Variants in MAST2 observed in about 807,000 individuals in gnomAD.
The protein encoded by MAST2 is microtubule associated serine/threonine kinase 2.
In MAST2, 70 loss-of-function variants were observed where a neutral mutation model predicts 147.4. The ratio of observed to expected loss-of-function variants is 0.47; its 90% CI spans 0.39 to 0.58. The LOEUF (loss-of-function observed/expected upper bound fraction) is 0.58, where lower values mean the gene tolerates loss of function less well. MAST2 is among the 20% of genes least tolerant of loss of function. MAST2 has a pLI of 0.00. For synonymous variants in MAST2, 869 were observed against 896.8 expected, an observed-to-expected ratio of 0.97 and a Z score of 0.55; for missense variants, 2,080 against 2,302.3, an observed-to-expected ratio of 0.90 and a Z score of 1.98.
At chr1:45,856,196 C>A (rs940244023) in intron 3 of MAST2, among the ~76,000 whole-genome samples, 2 of 152,132 alleles carry the variant, frequency 1.3e-5, no homozygotes, top group African/African-American at 4.8e-5. Context: ...ATGGGTGGCT[C>A]ACATCCGTAA....
intron 4 of MAST2, among the ~76,000 whole-genome samples, chr1:45,904,992 A>G (rs1284526157): frequency 6.6e-6 from 1 of 151,106 alleles, no homozygotes; most frequent in Non-Finnish European, 1.5e-5. Flanking sequence ...TAACTTTATT[A>G]TAAATAGGTG....
chr1:45,957,308 T>C (rs1659791831), intron 4 of MAST2, among the ~76,000 whole-genome samples: 2 of 152,232 alleles, frequency 1.3e-5, no homozygotes, highest in Admixed American at 1.3e-4. Context: ...GTCACTCATC[T>C]GTTGGTGCAT....
chr1:45,877,021 T>C (rs1646635180), intron 3 of MAST2, among the ~76,000 whole-genome samples: 1 of 152,168 alleles, frequency 6.6e-6, no homozygotes, highest in African/African-American at 2.4e-5. Context: ...AAAGAGGATA[T>C]ATTACCTTAG....
intron 4 of MAST2, among the ~76,000 whole-genome samples, chr1:45,914,283 C>T (rs1490461287): frequency 1.3e-5 from 2 of 152,208 alleles, no homozygotes; most frequent in African/African-American, 4.8e-5. Flanking sequence ...TGCCCATGGC[C>T]TGTCAGCTCA....
At chr1:45,816,702 A>G (rs1226861660) in intron 1 of MAST2, among the ~76,000 whole-genome samples, 1 of 152,168 alleles carries the variant, frequency 6.6e-6, no homozygotes, top group Admixed American at 6.6e-5. Flanking sequence ...ATTTTTTGAG[A>G]TGGAGTCTCG....
chr1:45,847,343 A>G, intron 3 of MAST2: 1 of 496,868 alleles, frequency 2.0e-6, no homozygotes. Context: ...GCTCCAACTC[A>G]CTGCTAAATC....
intron 4 of MAST2, among the ~76,000 whole-genome samples, chr1:45,950,456 A>C (rs1658766488): frequency 6.6e-6 from 1 of 152,192 alleles, no homozygotes; most frequent in Non-Finnish European, 1.5e-5. Flanking sequence ...TCTTAATCTC[A>C]TCTGGATTTT....
intron 3 of MAST2, among the ~76,000 whole-genome samples, chr1:45,845,030 C>T (rs1645387255): frequency 1.3e-5 from 2 of 152,142 alleles, no homozygotes; most frequent in Admixed American, 1.3e-4. Flanking sequence ...ACAGAGCTTT[C>T]ATGACTTAAA....
chr1:45,809,818 GT>G (rs1172196717), intron 1 of MAST2, among the ~76,000 whole-genome samples: 1 of 152,174 alleles, frequency 6.6e-6, no homozygotes, highest in African/African-American at 2.4e-5. Context: ...GAAAGCTTAG[GT>G]TCCAAGAGAT....
intron 7 of MAST2, 38 bp from the exon 8 acceptor site, chr1:46,006,203 A>G (rs746225533): frequency 3.1e-6 from 5 of 1,589,080 alleles, no homozygotes; most frequent in Non-Finnish European, 4.3e-6. Flanking sequence ...GCTCTGGGAC[A>G]TGTCTTTAAT....
rs370048669 is a variant in MAST2 at position 45,959,428 on chromosome 1, C to G, written c.543C>G (p.Ser181Arg). The G allele has an allele frequency of 4.3e-6, 7 of 1,613,722 alleles. No homozygotes were observed. The African/African-American group carries it at 9.3e-5, about 22-fold the overall frequency. ...SNRKSLIVTS[S>R]TSPTLPRPHS... ...GCAAGAGCTTGATTGTGACCTCTAG[C>G]ACATCACCTACACTACCACGGCCAC... The change falls in exon 5 of 29, where the codon AGC becomes AGG. Residue 181 changes from serine (S) to arginine (R), a missense_variant. Physicochemically the swap from Ser to Arg is moderately radical, Grantham distance 110. Transcript: ENST00000361297.
intron 3 of MAST2, among the ~76,000 whole-genome samples, chr1:45,835,676 C>T (rs1468231387): frequency 1.3e-5 from 2 of 152,094 alleles, no homozygotes; most frequent in African/African-American, 4.8e-5. Context: ...ACAATGTGTG[C>T]AGCCATCACC....
intron 3 of MAST2, among the ~76,000 whole-genome samples, chr1:45,837,781 C>T (rs1482455726): frequency 1.3e-5 from 2 of 152,086 alleles, no homozygotes; most frequent in East Asian, 3.8e-4. Flanking sequence ...TAGGTATTAT[C>T]ATATATTTTT....
At chr1:45,817,025 C>T (rs557918909) in intron 1 of MAST2, among the ~76,000 whole-genome samples, 160 of 152,190 alleles carry the variant, frequency 1.1e-3, no homozygotes, top group South Asian at 2.5e-3. Flanking sequence ...TGAAAATACA[C>T]AGCCAGAGGA....
At chr1:45,990,030 T>G (rs578000761) in intron 5 of MAST2, among the ~76,000 whole-genome samples, 27 of 152,220 alleles carry the variant, frequency 1.8e-4, no homozygotes, top group Admixed American at 4.6e-4. Flanking sequence ...CGAATAAACT[T>G]GCTATACACA....
intron 7 of MAST2, among the ~76,000 whole-genome samples, chr1:46,004,645 T>A (rs1389902880): frequency 6.6e-6 from 1 of 152,244 alleles, no homozygotes; most frequent in Non-Finnish European, 1.5e-5. Context: ...ACTCGCTGTT[T>A]ATAACTTCAT....
chr1:45,831,600 C>A (rs1465904074), intron 3 of MAST2, among the ~76,000 whole-genome samples: 1 of 152,078 alleles, frequency 6.6e-6, no homozygotes, highest in Admixed American at 6.6e-5. Context: ...CCTAGACTGA[C>A]TAATTTGTAC....
chr1:46,022,863 T>A, intron 12 of MAST2, 47 bp from the exon 13 acceptor site: 1 of 1,416,096 alleles, frequency 7.1e-7, no homozygotes, highest in South Asian at 1.1e-5. Flanking sequence ...ACTGCTGAGA[T>A]ACCTGACATT....
At chr1:45,834,236 A>G (rs1471321237) in intron 3 of MAST2, among the ~76,000 whole-genome samples, 4 of 152,180 alleles carry the variant, frequency 2.6e-5, no homozygotes, top group Admixed American at 6.5e-5. Flanking sequence ...TATTGTATTG[A>G]TTTTTATTTA....
Sources: gnomAD v4.1 joint callset for allele counts (sites outside exome capture counted in the v4.1 genomes callset) on GRCh38, gnomAD v4.1.1 for gene constraint, MANE v1.5 for transcripts, NCBI Gene and HGNC (gene_info 2026-07-23, HGNC 2026-07-21) for gene names.